Variants in DYNLT3 observed in about 807,000 individuals in gnomAD.
DYNLT3 encodes the protein protein 91/23.
Under a neutral mutation model 11.0 loss-of-function variants are expected in DYNLT3, and 4 were observed. The ratio of observed to expected loss-of-function variants is 0.36; its 90% confidence interval spans 0.18 to 0.83. The LOEUF (loss-of-function observed/expected upper bound fraction) is 0.83, where lower values mean the gene tolerates loss of function less well. DYNLT3 is among the 40% of genes least tolerant of loss of function. The pLI is 0.47. For missense variants in DYNLT3, 91 were observed against 91.1 expected (o/e 1.00, Z 0.01); for synonymous variants, 37 against 31.2 (o/e 1.18, Z -0.61).
chrX:37,846,861 A>G (rs766222373), intron 1 of DYNLT3, among the ~76,000 whole-genome samples: 6 of 112,165 alleles, frequency 5.3e-5, no homozygotes, highest in Non-Finnish European at 7.5e-5. Context: ...ACTCAAGATT[A>G]ATATCACTTT....
rs1930099356 is a variant in DYNLT3, at chrX:37,839,402, GT to G, written c.*1172del. On this transcript the variant is annotated 3_prime_UTR_variant, in exon 5 of 5. Coordinates refer to ENST00000378578, the MANE Select transcript of DYNLT3 (RefSeq NM_006520.3). Reference sequence around the variant, plus strand: ...TACATTTCATAAGCCCTGAGATAACGTGCTAAGGATTGTATACTTTTAATCT... The same window carrying G: ...TACATTTCATAAGCCCTGAGATAACGGCTAAGGATTGTATACTTTTAATCT... The G allele has an allele frequency of 8.9e-6, 1 of 111,815 alleles. No individual in the cohort carries two copies. The highest frequency in any genetic ancestry group is 3.3e-5 in the African/African-American group (1 of 30,709). 9.2% of individuals were successfully genotyped at this position (111,815 alleles called of 1,213,427 possible).
At chrX:37,842,057 A>T in intron 2 of DYNLT3, 152 bp from the exon 3 acceptor site, 1 of 506,592 alleles carries the variant, frequency 2.0e-6, no homozygotes, top group East Asian at 4.1e-5. Context: ...GTAAACATTG[A>T]TTATGCACTG....
intron 4 of DYNLT3, 134 bp from the exon 5 acceptor site, chrX:37,840,785 CACACAT>C (rs201445341): frequency 5.0e-4 from 183 of 366,606 alleles, no homozygotes; most frequent in South Asian, 2.7e-3. Flanking sequence ...CACACACACA[CACACAT>C]ATATATATAT....
In DYNLT3 at chrX:37,840,442, G is replaced by GT. The variant is rs1602195088; in HGVS notation, c.*132dup. 1.9e-5 allele frequency: 9 copies of GT among 462,252 alleles called. No individual in the cohort carries two copies. Among genetic ancestry groups the GT allele is most frequent in the Non-Finnish European group, 2.7e-5 (8 of 297,705 alleles). The allele number at this position is 462,252 out of a possible 1,213,427, so 38.1% of individuals were successfully genotyped here. On this transcript the variant is annotated 3_prime_UTR_variant, in exon 5 of 5. Coordinates refer to ENST00000378578, the MANE Select transcript of DYNLT3 (RefSeq NM_006520.3). The stretch of plus-strand genomic sequence containing the variant: ...TGATATTGCTTGCTTATAATATTCA[G>GT]TTTTTGTTGATAGCTTTAAAGCATA...
chrX:37,839,206 C>G lies in DYNLT3; in HGVS notation c.*1369G>C, dbSNP rs188027574. 2.0e-4 allele frequency: 22 copies of G among 112,069 alleles called. No homozygotes were observed. Among genetic ancestry groups the G allele is most frequent in the African/African-American group, 7.1e-4 (22 of 30,855 alleles). The allele number at this position is 112,069 out of a possible 1,213,427, so 9.2% of individuals were successfully genotyped here. A position where few individuals can be genotyped will look rare whatever the true frequency, so the allele number is the denominator to read the frequency against. On this transcript the variant is annotated 3_prime_UTR_variant, in exon 5 of 5. Coordinates refer to ENST00000378578, the MANE Select transcript of DYNLT3 (RefSeq NM_006520.3). ...TAATATTGTCAATATTAACGCTAAGCTTATTCCTCTCCAAAATTCAATGAG... is the reference window on the plus strand; with the variant it reads ...TAATATTGTCAATATTAACGCTAAGGTTATTCCTCTCCAAAATTCAATGAG...
chrX:37,846,993 G>A (rs1238353338), intron 1 of DYNLT3: 2 of 1,165,580 alleles, frequency 1.7e-6, no homozygotes, highest in South Asian at 3.8e-5. Flanking sequence ...CAGTAAGCAA[G>A]GGCTCGTAAT....
chrX:37,846,170 C>CA (rs1282438830), intron 2 of DYNLT3, 147 bp downstream of exon 2: 3 of 631,056 alleles, frequency 4.8e-6, no homozygotes, highest in African/African-American at 2.3e-5. Context: ...GACTCCATCT[C>CA]AAAAAACAAT....
chrX:37,847,056 G>C lies in DYNLT3; in HGVS notation c.30+425C>G, dbSNP rs1051176668. 1.9e-5 allele frequency: 22 copies of C among 1,164,457 alleles called. No homozygotes were observed. The African/African-American group carries it at 3.8e-4, about 20-fold the overall frequency. ...GGCAAGCATTACCGGGAGCGGGAATGGCAGTGCCACCAGGACCCCGAGACT... is the reference window on the plus strand; with the variant it reads ...GGCAAGCATTACCGGGAGCGGGAATCGCAGTGCCACCAGGACCCCGAGACT... On this transcript the variant is annotated intron_variant, in intron 1 of 4. Coordinates refer to ENST00000378578, the MANE Select transcript of DYNLT3 (RefSeq NM_006520.3).
At position 37,840,353 on chromosome X, in the gene DYNLT3, T is replaced by C. The variant is rs1287515961; in HGVS notation, c.*222A>G. On this transcript the variant is annotated 3_prime_UTR_variant, in exon 5 of 5. Transcript: ENST00000378578. ...CCATATTTCTAAATTTATTTTTTGC[T>C]AGCATTAAATTTTTCCTATTTAAAC... The C allele has an allele frequency of 8.2e-6, 2 of 242,803 alleles. No homozygotes were observed. Among genetic ancestry groups the C allele is most frequent in the African/African-American group, 5.7e-5 (2 of 34,889 alleles). The allele number at this position is 242,803 out of a possible 1,213,427, so 20.0% of individuals were successfully genotyped here.
Position 37,846,357 on chromosome X carries a change from A to C in DYNLT3, c.32T>G (p.Val11Gly). The C allele has an allele frequency of 3.3e-6, 4 of 1,206,895 alleles. No homozygotes were observed. The highest frequency in any genetic ancestry group is 1.1e-6 in the Non-Finnish European group (1 of 892,708). MEEYHRHCDEVGFNAEEAHNI... is the reference protein window; with the variant it reads MEEYHRHCDEGGFNAEEAHNI... ...GTGGGCTTCCTCAGCATTGAAGCCA[A>C]CCTAAAGGGAAAACAAAAGGTAAAG... Residue 11 changes from valine (V) to glycine (G), a missense_variant and splice_region_variant, in exon 2 of 5, where the codon GTT (valine) becomes GGT (glycine). Physicochemically the swap from Val to Gly is moderately radical, Grantham distance 109. Coordinates refer to ENST00000378578, the MANE Select transcript of DYNLT3 (RefSeq NM_006520.3).
chrX:37,840,031 A>C lies in DYNLT3; in HGVS notation c.*544T>G, dbSNP rs1446785861. The C allele has an allele frequency of 9.7e-6, 1 of 103,285 alleles. No homozygotes were observed. Among genetic ancestry groups the C allele is most frequent in the Admixed American group, 1.0e-4 (1 of 9,740 alleles). The allele number at this position is 103,285 out of a possible 1,213,427, so 8.5% of individuals were successfully genotyped here. On this transcript the variant is annotated 3_prime_UTR_variant, in exon 5 of 5. Transcript: ENST00000378578. ...TACTAATCCTCAGAAAAAGTAAACA[A>C]GTTAATCATAGTTGTTACTATACTA...
At chrX:37,846,219 C>T in intron 2 of DYNLT3, 98 bp downstream of exon 2, 2 of 828,830 alleles carry the variant, frequency 2.4e-6, no homozygotes, top group Non-Finnish European at 3.4e-6. Flanking sequence ...CTTCTTTTAA[C>T]AGTAAGGTTT....
chrX:37,842,026 A>G, intron 2 of DYNLT3, 121 bp from the exon 3 acceptor site: 1 of 652,798 alleles, frequency 1.5e-6, no homozygotes, highest in Non-Finnish European at 2.1e-6. Flanking sequence ...TCAATAAGGC[A>G]TCTTAGAAAA....
chrX:37,847,353 G>T, intron 1 of DYNLT3, 128 bp downstream of exon 1: 1 of 926,661 alleles, frequency 1.1e-6, no homozygotes, highest in Non-Finnish European at 1.4e-6. Context: ...CCAGGGGAGA[G>T]GACCCGGGCT....
At chrX:37,847,329 G>C in intron 1 of DYNLT3, 152 bp downstream of exon 1, 1 of 896,883 alleles carries the variant, frequency 1.1e-6, no homozygotes, top group Non-Finnish European at 1.5e-6. Context: ...GGTCGGGCGG[G>C]GCGGATCCCG....
At chrX:37,842,968 T>C (rs781097901) in intron 2 of DYNLT3, among the ~76,000 whole-genome samples, 3 of 112,106 alleles carry the variant, frequency 2.7e-5, no homozygotes, top group East Asian at 2.8e-4. Context: ...TTTTAGAATC[T>C]AGCTTAATAA....
Position 37,846,332 on chromosome X carries a change from G to C in DYNLT3, c.57C>G (p.His19Gln). 8.3e-7 allele frequency: 1 copy of C among 1,208,819 alleles called. No individual in the cohort carries two copies. The highest frequency in any genetic ancestry group is 1.1e-6 in the Non-Finnish European group (1 of 893,904). ...DEVGFNAEEA[H>Q]NIVKECVDGV... ...TATGACTCACCTCTTTGACAATATT[G>C]TGGGCTTCCTCAGCATTGAAGCCAA... The change falls in exon 2 of 5, where the codon CAC becomes CAG. Residue 19 changes from histidine to glutamine, a missense_variant. Coordinates refer to ENST00000378578, the MANE Select transcript of DYNLT3 (RefSeq NM_006520.3).
chrX:37,844,676 A>G (rs1378375343), intron 2 of DYNLT3, among the ~76,000 whole-genome samples: 6 of 111,891 alleles, frequency 5.4e-5, no homozygotes, highest in African/African-American at 2.0e-4. Flanking sequence ...ATTCCTCCCC[A>G]TGGAGGTGGA....
Position 37,841,194 on chromosome X carries a change from C to T in DYNLT3, c.197-89G>A, listed in dbSNP as rs184108640. 601 of 708,705 alleles carry T rather than the reference C, an allele frequency of 8.5e-4. 5 individuals are homozygous for T. The African/African-American group carries it at 0.011, about 13-fold the overall frequency. 58.4% of individuals were successfully genotyped at this position (708,705 alleles called of 1,213,427 possible). On this transcript the variant is annotated intron_variant, in intron 3 of 4. Coordinates refer to ENST00000378578, the MANE Select transcript of DYNLT3 (RefSeq NM_006520.3). ...TGTGTGAGTTCAGAGCTCTACAAGC[C>T]GAAAACAAGACAAAAAACAAACAAA...
Sources: allele counts gnomAD v4.1 joint callset (sites outside exome capture counted in the v4.1 genomes callset), GRCh38; gene constraint gnomAD v4.1.1; transcripts MANE v1.5; gene names NCBI Gene and HGNC (gene_info 2026-07-23, HGNC 2026-07-21).